The following SNTB1 variants were observed in gnomAD, a reference collection of about 807,000 sequenced individuals.
SNTB1 encodes beta-1-syntrophin.
In SNTB1, 36 loss-of-function variants were observed where a neutral mutation model predicts 48.9. That is an observed-to-expected ratio of 0.74 (90% CI 0.56 to 0.97). SNTB1 has a LOEUF of 0.97. Ranked by LOEUF, SNTB1 falls within the 50% of genes least tolerant of loss-of-function variation. The pLI, the probability that SNTB1 is intolerant of heterozygous loss-of-function variation, is 0.00. For synonymous variants in SNTB1, 299 were observed against 294.6 expected, an observed-to-expected ratio of 1.01 and a Z score of -0.15; for missense variants, 786 against 703.4, an observed-to-expected ratio of 1.12 and a Z score of -1.33.
At chr8:120,707,183 T>C (rs1169920934) in intron 1 of SNTB1, among the ~76,000 whole-genome samples, 1 of 152,196 alleles carries the variant, frequency 6.6e-6, no homozygotes, top group African/African-American at 2.4e-5. Context: ...AATCTGACTA[T>C]GCATCTATTT....
At chr8:120,679,181 G>A (rs1817888638) in intron 2 of SNTB1, among the ~76,000 whole-genome samples, 1 of 152,128 alleles carries the variant, frequency 6.6e-6, no homozygotes, top group South Asian at 2.1e-4. Flanking sequence ...ACATTTCAGG[G>A]ATGACACCTG....
At chr8:120,691,701 T>C (rs1233682271) in intron 2 of SNTB1, among the ~76,000 whole-genome samples, 4 of 152,208 alleles carry the variant, frequency 2.6e-5, no homozygotes, top group African/African-American at 7.2e-5. Flanking sequence ...TTTTCAGTTA[T>C]TGAACATGGC....
At chr8:120,695,862 T>C (rs772847318) in intron 1 of SNTB1, among the ~76,000 whole-genome samples, 81 of 152,208 alleles carry the variant, frequency 5.3e-4, no homozygotes, top group Admixed American at 8.5e-4. Context: ...AAGAGCTCCA[T>C]GGTTGCTCCA....
chr8:120,677,060 T>C lies in SNTB1; in HGVS notation c.788+16632A>G, dbSNP rs1158274541. Among the ~76,000 whole-genome samples, 4 of 108,926 alleles carry C rather than the reference T, an allele frequency of 3.7e-5. No individual in the cohort carries two copies. The East Asian group carries it at 9.0e-4, about 25-fold the overall frequency. The allele number at this position is 108,926 out of a possible 152,430, so 71.5% of individuals were successfully genotyped here. ...GTCTGGGTGACAGAGTGAGACCCTA[T>C]CTCAAAAAAAAAAAAAAAACTTTAT... On this transcript the variant is annotated intron_variant, in intron 2 of 6. Transcript: ENST00000517992.
rs1815771834 is a variant in SNTB1 at position 120,567,434 on chromosome 8, T to TA, written c.1136+7651dup. Among the ~76,000 whole-genome samples the TA allele has an allele frequency of 5.3e-5, 8 of 150,072 alleles. No individual in the cohort carries two copies. In the South Asian group the frequency reaches 1.1e-3, roughly 20 times the overall value. ...TGAGCTCCTTTTTTTTTTTTTTTTT[T>TA]AAAGAGACAGGGTCTTGCTCTGGAC... is the stretch of plus-strand genomic sequence containing the variant. On this transcript the variant is annotated intron_variant, in intron 4 of 6. Transcript: ENST00000517992.
chr8:120,595,432 C>CA (rs1816307453), intron 3 of SNTB1, among the ~76,000 whole-genome samples: 1 of 152,038 alleles, frequency 6.6e-6, no homozygotes, highest in Admixed American at 6.6e-5. Flanking sequence ...GCCATGGCAA[C>CA]ATCAGGAAGT....
chr8:120,692,997 T>G (rs965272572), intron 2 of SNTB1, among the ~76,000 whole-genome samples: 7 of 152,150 alleles, frequency 4.6e-5, no homozygotes, highest in African/African-American at 1.7e-4. Flanking sequence ...GGCACTGGCA[T>G]CTGCTTCTGA....
intron 1 of SNTB1, among the ~76,000 whole-genome samples, chr8:120,768,295 C>A (rs894049440): frequency 6.6e-6 from 1 of 152,154 alleles, no homozygotes; most frequent in Non-Finnish European, 1.5e-5. Context: ...CAGCCATGTG[C>A]GAGTACCCTA....
intron 1 of SNTB1, among the ~76,000 whole-genome samples, chr8:120,694,148 G>A (rs541021765): frequency 1.3e-5 from 2 of 152,270 alleles, no homozygotes; most frequent in African/African-American, 4.8e-5. Flanking sequence ...ATTGTGTCTA[G>A]CTTTTTTCAA....
At chr8:120,716,742 G>T (rs2129934895) in intron 1 of SNTB1, among the ~76,000 whole-genome samples, 1 of 152,320 alleles carries the variant, frequency 6.6e-6, no homozygotes, top group South Asian at 2.1e-4. Flanking sequence ...CAGTTTAGAT[G>T]TCCTTGCTTT....
intron 3 of SNTB1, among the ~76,000 whole-genome samples, chr8:120,594,669 C>T (rs192814180): frequency 8.5e-5 from 13 of 152,212 alleles, no homozygotes; most frequent in East Asian, 1.9e-4. Context: ...CCATGGCAAC[C>T]GGCTGCTCAT....
At chr8:120,642,003 C>T (rs1368118477) in intron 2 of SNTB1, among the ~76,000 whole-genome samples, 1 of 152,182 alleles carries the variant, frequency 6.6e-6, no homozygotes, top group Admixed American at 6.5e-5. Flanking sequence ...CACAGACCAG[C>T]AGTATTTGCA....
intron 1 of SNTB1, among the ~76,000 whole-genome samples, chr8:120,791,404 T>C (rs1820033171): frequency 6.6e-6 from 1 of 151,884 alleles, no homozygotes; most frequent in South Asian, 2.1e-4. Context: ...AATTTATGAC[T>C]AAAACCCCGA....
intron 3 of SNTB1, among the ~76,000 whole-genome samples, chr8:120,591,941 T>C (rs1379973128): frequency 6.6e-6 from 1 of 152,164 alleles, no homozygotes; most frequent in Non-Finnish European, 1.5e-5. Flanking sequence ...AAATAAAAAA[T>C]AGACCACTTC....
chr8:120,669,326 G>C (rs1486726080), intron 2 of SNTB1, among the ~76,000 whole-genome samples: 2 of 151,944 alleles, frequency 1.3e-5, no homozygotes, highest in East Asian at 3.9e-4. Flanking sequence ...TCACACATGT[G>C]GATTCACTAA....
chr8:120,665,692 G>T (rs1003344052), intron 2 of SNTB1, among the ~76,000 whole-genome samples: 3 of 152,018 alleles, frequency 2.0e-5, no homozygotes, highest in African/African-American at 7.2e-5. Context: ...AAGTTTTATA[G>T]TTGTATGCTT....
At chr8:120,628,531 C>A (rs1214952659) in intron 3 of SNTB1, among the ~76,000 whole-genome samples, 2 of 152,074 alleles carry the variant, frequency 1.3e-5, no homozygotes, top group Non-Finnish European at 2.9e-5. Flanking sequence ...CCGACGTGGC[C>A]AGATCACCTG....
At chr8:120,701,483 C>T (rs928689601) in intron 1 of SNTB1, among the ~76,000 whole-genome samples, 4 of 152,168 alleles carry the variant, frequency 2.6e-5, no homozygotes, top group African/African-American at 9.7e-5. Flanking sequence ...ATGTGTTTTA[C>T]CTCATCTTGC....
chr8:120,620,360 G>C (rs1235047499), intron 3 of SNTB1, among the ~76,000 whole-genome samples: 1 of 152,080 alleles, frequency 6.6e-6, no homozygotes. Context: ...GACACAAAAA[G>C]TGAGGATTAA....
Sources: allele counts gnomAD v4.1 joint callset (sites outside exome capture counted in the v4.1 genomes callset), GRCh38; gene constraint gnomAD v4.1.1; transcripts MANE v1.5; gene names NCBI Gene and HGNC (gene_info 2026-07-23, HGNC 2026-07-21).